Variants in SYNPR observed in about 807,000 individuals in gnomAD.
SYNPR encodes synaptoporin.
In SYNPR, 23 loss-of-function variants were observed where a neutral mutation model predicts 32.9. That is an observed-to-expected ratio of 0.70 (90% CI 0.50 to 0.99). The LOEUF is 0.99. SYNPR is among the 50% of genes least tolerant of loss of function. The pLI, the probability that SYNPR is intolerant of heterozygous loss-of-function variation, is 0.00. For missense variants in SYNPR, 318 were observed against 349.3 expected, an observed-to-expected ratio of 0.91 and a Z score of 0.71; for synonymous variants, 146 against 135.9, an observed-to-expected ratio of 1.07 and a Z score of -0.52.
intron 3 of SYNPR, among the ~76,000 whole-genome samples, chr3:63,547,321 A>G (rs184959953): frequency 6.6e-6 from 1 of 152,110 alleles, no homozygotes; most frequent in African/African-American, 2.4e-5. Context: ...CAATTGCTGG[A>G]GTCTTCTCTC....
At chr3:63,439,442 G>A (rs908915469) in intron 2 of SYNPR, among the ~76,000 whole-genome samples, 6 of 152,168 alleles carry the variant, frequency 3.9e-5, no homozygotes, top group African/African-American at 1.4e-4. Flanking sequence ...TTCTATGATA[G>A]AGAGTGGTAG....
rs1401321620 is a variant in SYNPR at position 63,260,052 on chromosome 3, T to C, written n.155-7265T>C. On this transcript the variant is annotated intron_variant and non_coding_transcript_variant, in intron 2 of 4. Transcript: ENST00000478456. ...CTCTTCAAGGAGAACCACAAACCAC[T>C]GCTCAATGAAATAAAAGAGGATACA... 2.0e-5 allele frequency among the ~76,000 whole-genome samples: 3 copies of C among 152,200 alleles called. No homozygotes were observed. The East Asian group carries it at 5.8e-4, about 29-fold the overall frequency.
intron 2 of SYNPR, among the ~76,000 whole-genome samples, chr3:63,258,736 G>T (rs941635361): frequency 5.9e-5 from 9 of 152,208 alleles, no homozygotes; most frequent in East Asian, 1.9e-4. Flanking sequence ...CAGAACTGAA[G>T]GAAATAGAGA....
chr3:63,269,350 G>T (rs62251328), intron 3 of SYNPR, among the ~76,000 whole-genome samples: 1 of 151,892 alleles, frequency 6.6e-6, no homozygotes. Flanking sequence ...TTAGCTTGGC[G>T]TGGTGGTAGG....
At chr3:63,521,289 T>C (rs1344205905) in intron 3 of SYNPR, among the ~76,000 whole-genome samples, 1 of 152,142 alleles carries the variant, frequency 6.6e-6, no homozygotes, top group Non-Finnish European at 1.5e-5. Flanking sequence ...TTGGTAAATA[T>C]AATAAGTGAC....
At chr3:63,253,040 G>GAAA (rs200342050) in intron 2 of SYNPR, among the ~76,000 whole-genome samples, 1 of 124,034 alleles carries the variant, frequency 8.1e-6, no homozygotes, top group African/African-American at 3.0e-5. Flanking sequence ...CTCTGTCTCA[G>GAAA]AAAAAAAAAA....
In SYNPR at chr3:63,251,682, G is replaced by A. The variant is rs116109404; in HGVS notation, n.67-817G>A. ...GCAGGTTCTGACAGGACTGAAATGC[G>A]ATCCCGGGATGATCAGCAAAGATCT... is the stretch of plus-strand genomic sequence containing the variant. On this transcript the variant is annotated intron_variant and non_coding_transcript_variant, in intron 1 of 4. Transcript: ENST00000478456. Among the ~76,000 whole-genome samples the A allele has an allele frequency of 5.6e-3, 849 of 152,108 alleles. 5 individuals carry two copies. The highest frequency in any genetic ancestry group is 0.014 in the African/African-American group (590 of 41,528).
chr3:63,536,362 A>G (rs2106796386), intron 3 of SYNPR, among the ~76,000 whole-genome samples: 1 of 152,286 alleles, frequency 6.6e-6, no homozygotes, highest in African/African-American at 2.4e-5. Flanking sequence ...GCACATTAAA[A>G]GGTGCTCAGC....
At chr3:63,462,917 G>C (rs1700613181) in intron 2 of SYNPR, among the ~76,000 whole-genome samples, 1 of 152,132 alleles carries the variant, frequency 6.6e-6, no homozygotes, top group Admixed American at 6.5e-5. Flanking sequence ...TGAACATACA[G>C]GCCCTGGCCA....
intron 2 of SYNPR, among the ~76,000 whole-genome samples, chr3:63,340,417 G>A (rs372208701): frequency 1.9e-4 from 19 of 97,866 alleles, no homozygotes; most frequent in South Asian, 4.1e-4. Context: ...TAAAAAAAAT[G>A]TATTTTTTTT....
chr3:63,418,770 C>T (rs949323822), intron 2 of SYNPR, among the ~76,000 whole-genome samples: 5 of 152,094 alleles, frequency 3.3e-5, no homozygotes, highest in African/African-American at 1.2e-4. Flanking sequence ...AGACCTCCTC[C>T]CATGATTCAA....
At chr3:63,601,256 A>G (rs1180645832) in intron 4 of SYNPR, among the ~76,000 whole-genome samples, 1 of 150,800 alleles carries the variant, frequency 6.6e-6, no homozygotes, top group Non-Finnish European at 1.5e-5. Flanking sequence ...CTGGGCAACA[A>G]GAGCAAAACG....
chr3:63,511,617 G>A (rs1388350851), intron 3 of SYNPR, among the ~76,000 whole-genome samples: 8 of 152,142 alleles, frequency 5.3e-5, no homozygotes, highest in South Asian at 4.1e-4. Context: ...CTACAAAGGC[G>A]AGCCAGTAAG....
intron 4 of SYNPR, among the ~76,000 whole-genome samples, chr3:63,605,895 G>A (rs1001109482): frequency 1.3e-5 from 2 of 152,192 alleles, no homozygotes; most frequent in African/African-American, 4.8e-5. Context: ...TCCCTGCTAT[G>A]GGGCATGTAT....
At chr3:63,287,355 A>G (rs1433321368) in intron 2 of SYNPR, among the ~76,000 whole-genome samples, 2 of 152,064 alleles carry the variant, frequency 1.3e-5, no homozygotes, top group South Asian at 2.1e-4. Context: ...TTTTTAGTTG[A>G]TGAATTCTTC....
chr3:63,255,581 G>C (rs983636210), intron 2 of SYNPR, among the ~76,000 whole-genome samples: 3 of 152,226 alleles, frequency 2.0e-5, no homozygotes, highest in Admixed American at 6.5e-5. Flanking sequence ...CATTCCATCA[G>C]TGGCAGAGGT....
chr3:63,224,170 C>T (rs1023299818), upstream of SYNPR, among the ~76,000 whole-genome samples: 2 of 152,148 alleles, frequency 1.3e-5, no homozygotes, highest in African/African-American at 2.4e-5. Flanking sequence ...AGGTGAGTGG[C>T]AGGCAAGCCA....
At chr3:63,570,555 G>C (rs1353558195) in intron 4 of SYNPR, among the ~76,000 whole-genome samples, 2 of 152,030 alleles carry the variant, frequency 1.3e-5, no homozygotes, top group Non-Finnish European at 2.9e-5. Context: ...CACCTGGAAG[G>C]TCCTCCTCCC....
chr3:63,383,372 A>C (rs181944468), intron 2 of SYNPR, among the ~76,000 whole-genome samples: 2 of 152,214 alleles, frequency 1.3e-5, no homozygotes, highest in African/African-American at 2.4e-5. Context: ...TTCCATATTT[A>C]TTAAGCAGAC....
Sources: allele counts gnomAD v4.1 joint callset (sites outside exome capture counted in the v4.1 genomes callset), GRCh38; gene constraint gnomAD v4.1.1; transcripts MANE v1.5; gene names NCBI Gene and HGNC (gene_info 2026-07-23, HGNC 2026-07-21).